DAB1: variants seen among roughly 807,000 people sequenced by gnomAD.
The protein encoded by DAB1 is disabled homolog 1.
Under a neutral mutation model 64.6 loss-of-function variants are expected in DAB1, and 15 were observed. The observed-to-expected ratio is 0.23, with a 90% CI of 0.16 to 0.36. The LOEUF is 0.36. Among genes scored for constraint, DAB1 ranks in the 10% least tolerant of loss-of-function variants. The pLI is 1.00. For missense variants in DAB1, 596 were observed against 706.7 expected (o/e 0.84, Z 1.78); for synonymous variants, 235 against 251.9 (o/e 0.93, Z 0.64).
chr1:58,078,981 C>G (rs973910456), intron 5 of DAB1, among the ~76,000 whole-genome samples: 1 of 152,180 alleles, frequency 6.6e-6, no homozygotes, highest in Admixed American at 6.5e-5. Flanking sequence ...GGAGAGCAGG[C>G]TGATGAGAAT....
intron 3 of DAB1, among the ~76,000 whole-genome samples, chr1:58,502,834 A>T (rs570583108): frequency 6.6e-6 from 1 of 152,326 alleles, no homozygotes; most frequent in African/African-American, 2.4e-5. Flanking sequence ...ATTACTTTCA[A>T]ATTGAATTTA....
downstream of DAB1, among the ~76,000 whole-genome samples, chr1:57,821,774 T>A (rs553417853): frequency 6.6e-6 from 1 of 152,284 alleles, no homozygotes; most frequent in Admixed American, 6.5e-5. Context: ...TATAATAAGT[T>A]AAAAAATCAA....
chr1:57,955,856 A>C (rs983499578), intron 5 of DAB1, among the ~76,000 whole-genome samples: 1 of 152,172 alleles, frequency 6.6e-6, no homozygotes, highest in African/African-American at 2.4e-5. Flanking sequence ...ACAAATTAAT[A>C]TTTGCTAATT....
intron 3 of DAB1, among the ~76,000 whole-genome samples, chr1:58,384,866 T>A (rs1644420304): frequency 6.6e-6 from 1 of 152,216 alleles, no homozygotes; most frequent in Non-Finnish European, 1.5e-5. Flanking sequence ...TCCAATTTCT[T>A]CTGGCTGCTT....
At chr1:57,919,259 TC>T (rs1302262994) in intron 5 of DAB1, among the ~76,000 whole-genome samples, 3 of 152,176 alleles carry the variant, frequency 2.0e-5, no homozygotes, top group Non-Finnish European at 4.4e-5. Flanking sequence ...AACTGGCAGT[TC>T]CTTTTTTATC....
intron 5 of DAB1, among the ~76,000 whole-genome samples, chr1:58,063,795 T>G (rs1648663824): frequency 6.6e-6 from 1 of 152,190 alleles, no homozygotes; most frequent in African/African-American, 2.4e-5. Flanking sequence ...CGCAGGTGGA[T>G]AGCCCAAGCC....
intron 4 of DAB1, among the ~76,000 whole-genome samples, chr1:58,247,267 G>T (rs12073967): frequency 4.2e-5 from 3 of 71,614 alleles, no homozygotes; most frequent in Non-Finnish European, 7.1e-5. Flanking sequence ...TTCCCCCCCC[G>T]CCAGGTTAAA....
chr1:57,095,920 T>G (rs146747764), intron 4 of DAB1, among the ~76,000 whole-genome samples: 1 of 152,170 alleles, frequency 6.6e-6, no homozygotes, highest in African/African-American at 2.4e-5. Context: ...GAAAGAATAA[T>G]GCTTCCCATC....
chr1:58,112,785 C>T (rs940266021), intron 5 of DAB1, among the ~76,000 whole-genome samples: 10 of 152,086 alleles, frequency 6.6e-5, no homozygotes, highest in African/African-American at 2.2e-4. Flanking sequence ...TATGAAGCAC[C>T]ACATACATGC....
At chr1:57,295,089 A>G (rs928955257) in intron 1 of DAB1, among the ~76,000 whole-genome samples, 1 of 152,166 alleles carries the variant, frequency 6.6e-6, no homozygotes, top group Non-Finnish European at 1.5e-5. Flanking sequence ...CATAAGGTTG[A>G]GGAACTGCTT....
chr1:58,104,390 T>A (rs1002962264), intron 5 of DAB1, among the ~76,000 whole-genome samples: 4 of 152,244 alleles, frequency 2.6e-5, no homozygotes, highest in Non-Finnish European at 5.9e-5. Flanking sequence ...GTGGATTTTA[T>A]TAGTGGAAAT....
At chr1:57,848,905 C>T (rs942141644) in intron 1 of DAB1, among the ~76,000 whole-genome samples, 2 of 152,138 alleles carry the variant, frequency 1.3e-5, no homozygotes, top group African/African-American at 2.4e-5. Context: ...ATTCCCGTCA[C>T]TCCAGGATGT....
intron 7 of DAB1, among the ~76,000 whole-genome samples, chr1:57,581,880 A>G (rs1645317414): frequency 6.6e-6 from 1 of 152,190 alleles, no homozygotes; most frequent in Non-Finnish European, 1.5e-5. Flanking sequence ...CTGAGCTGCT[A>G]TAACAACATA....
intron 7 of DAB1, among the ~76,000 whole-genome samples, chr1:57,494,027 G>A (rs1240180549): frequency 1.3e-5 from 2 of 152,148 alleles, no homozygotes; most frequent in Non-Finnish European, 2.9e-5. Context: ...TCCAAAGTGC[G>A]TGTGGGGGTC....
intron 7 of DAB1, among the ~76,000 whole-genome samples, chr1:57,481,429 C>A (rs1644017774): frequency 6.6e-6 from 1 of 152,170 alleles, no homozygotes; most frequent in Non-Finnish European, 1.5e-5. Flanking sequence ...ATATATTCTT[C>A]TGTCAAACCT....
intron 3 of DAB1, among the ~76,000 whole-genome samples, chr1:58,391,407 G>A (rs1644474915): frequency 6.6e-6 from 1 of 152,222 alleles, no homozygotes; most frequent in African/African-American, 2.4e-5. Context: ...CTAAAATACA[G>A]GGCAGAGGAG....
chr1:57,304,830 C>T (rs889446001), intron 1 of DAB1, among the ~76,000 whole-genome samples: 5 of 152,088 alleles, frequency 3.3e-5, no homozygotes, highest in Non-Finnish European at 7.4e-5. Context: ...ATTATTAATA[C>T]CAAAAAATTA....
chr1:58,141,997 A>G (rs917155148), intron 5 of DAB1, among the ~76,000 whole-genome samples: 30 of 152,120 alleles, frequency 2.0e-4, no homozygotes, highest in African/African-American at 6.8e-4. Flanking sequence ...CTGGTCAGTC[A>G]CCGTGTCTTT....
At chr1:58,209,947 T>A (rs1229983033) in intron 4 of DAB1, among the ~76,000 whole-genome samples, 1 of 152,170 alleles carries the variant, frequency 6.6e-6, no homozygotes, top group Non-Finnish European at 1.5e-5. Context: ...GGAGAAATTA[T>A]CAAGTAAAAA....
Sources: gnomAD v4.1 joint callset for allele counts (sites outside exome capture counted in the v4.1 genomes callset) on GRCh38, gnomAD v4.1.1 for gene constraint, MANE v1.5 for transcripts, NCBI Gene and HGNC (gene_info 2026-07-23, HGNC 2026-07-21) for gene names.